CASZ1: variants seen among roughly 807,000 people sequenced by gnomAD.
The protein encoded by CASZ1 is castor zinc finger 1, also known as zinc finger protein castor homolog 1.
In CASZ1, 28 loss-of-function variants were observed where a neutral mutation model predicts 135.2. The ratio of observed to expected loss-of-function variants is 0.21; its 90% CI spans 0.15 to 0.28. CASZ1 has a LOEUF of 0.28. Ranked by LOEUF, CASZ1 falls within the 10% of genes least tolerant of loss-of-function variation. The pLI, the probability that CASZ1 is intolerant of heterozygous loss-of-function variation, is 1.00. For synonymous variants in CASZ1, 1,068 were observed against 1,073.4 expected (o/e 0.99, Z 0.10); for missense variants, 2,161 against 2,453.3 (o/e 0.88, Z 2.52).
chr1:10,679,507 C>A lies in CASZ1; in HGVS notation c.17-13936G>T, dbSNP rs941337287. On this transcript the variant is annotated intron_variant, in intron 4 of 20. Coordinates refer to ENST00000377022, the MANE Select transcript of CASZ1 (RefSeq NM_001079843.3). This position sits in a 1 kb window ranked among gnomAD's most constrained non-coding sequence, Gnocchi z 4.7. ...ATGGTGCTACCAAGCAATGTAGCAG[C>A]CCCCACATACTCTGGCATTCTCCTA... Among the ~76,000 whole-genome samples, 2 of 152,152 alleles carry A rather than the reference C, an allele frequency of 1.3e-5. No individual in the cohort carries two copies. Among genetic ancestry groups the A allele is most frequent in the Non-Finnish European group, 2.9e-5 (2 of 68,010 alleles).
rs565849626 is a variant in CASZ1, at chr1:10,735,885, T to C, written c.-77+24816A>G. ...CAGGGGCAGCCCCAGGCACATCAGGTTGAAAATGTGCTTTTTCAGCCAGCT... is the reference window on the plus strand; with the variant it reads ...CAGGGGCAGCCCCAGGCACATCAGGCTGAAAATGTGCTTTTTCAGCCAGCT... On this transcript the variant is annotated intron_variant, in intron 2 of 20. Transcript: ENST00000377022. This position sits in a 1 kb window ranked among gnomAD's most constrained non-coding sequence, Gnocchi z 5.1. Among the ~76,000 whole-genome samples, 3 of 152,096 alleles carry C rather than the reference T, an allele frequency of 2.0e-5. No homozygotes were observed. The highest frequency in any genetic ancestry group is 1.3e-4 in the Admixed American group (2 of 15,292).
chr1:10,642,250 G>C (rs376062894), intron 20 of CASZ1: 2 of 153,916 alleles, frequency 1.3e-5, no homozygotes, highest in Non-Finnish European at 2.9e-5. Context: ...TGGCGGCTGC[G>C]GGGCCGTGCG....
chr1:10,736,119 G>A (rs1044829622), intron 2 of CASZ1, among the ~76,000 whole-genome samples: 2 of 152,140 alleles, frequency 1.3e-5, no homozygotes, highest in African/African-American at 4.8e-5. Flanking sequence ...GGGCGGTACT[G>A]GCAGCATTTC....
At chr1:10,792,340 CGGCCCCG>C (rs1358953781) in intron 1 of CASZ1, among the ~76,000 whole-genome samples, 1 of 23,938 alleles carries the variant, frequency 4.2e-5, no homozygotes, top group Non-Finnish European at 7.3e-5. Context: ...CCCCCCCCCC[CGGCCCCG>C]CACACAAAGT....
At position 10,706,905 on chromosome 1, in the gene CASZ1, G is replaced by T. The variant is rs1403255688; in HGVS notation, c.-76-1361C>A. ...TGAGACAGGGGGCGGTAGAGAGGAT[G>T]GGGGGCTGTGTAAAGGGGGAATAAG... On this transcript the variant is annotated intron_variant, in intron 2 of 20. Coordinates refer to ENST00000377022, the MANE Select transcript of CASZ1 (RefSeq NM_001079843.3). The surrounding 1 kb of genome is among the most constrained non-coding windows in gnomAD (Gnocchi z 4.3). Among the ~76,000 whole-genome samples the T allele has an allele frequency of 6.6e-6, 1 of 151,872 alleles. No homozygotes were observed. The highest frequency in any genetic ancestry group is 1.5e-5 in the Non-Finnish European group (1 of 67,952).
chr1:10,648,962 C>T, intron 15 of CASZ1, 108 bp downstream of exon 15: 1 of 1,453,356 alleles, frequency 6.9e-7, no homozygotes, highest in South Asian at 1.3e-5. Context: ...GCCGGCTCAG[C>T]TTCTGTGGCC....
chr1:10,789,325 A>C, intron 1 of CASZ1, among the ~76,000 whole-genome samples: 1 of 145,866 alleles, frequency 6.9e-6, no homozygotes, highest in Non-Finnish European at 1.5e-5. Flanking sequence ...GAGCCTCCCA[A>C]ACCCTGGGCC....
At chr1:10,674,701 C>T (rs929207398) in intron 4 of CASZ1, among the ~76,000 whole-genome samples, 17 of 152,236 alleles carry the variant, frequency 1.1e-4, no homozygotes, top group African/African-American at 4.1e-4. Context: ...GGGAGCACTG[C>T]TTCCTGCCTG....
Position 10,756,430 on chromosome 1 carries a change from G to A in CASZ1, c.-77+4271C>T, listed in dbSNP as rs936926512. ...TGGCTGGGAATACGTTGCCAGCAAG[G>A]GCAAGTGCTCACGCGAGCCCGGCAG... On this transcript the variant is annotated intron_variant, in intron 2 of 20. Transcript: ENST00000377022. The surrounding 1 kb of genome is among the most constrained non-coding windows in gnomAD (Gnocchi z 5.9). 1.3e-5 allele frequency among the ~76,000 whole-genome samples: 2 copies of A among 152,256 alleles called. No homozygotes were observed. The highest frequency in any genetic ancestry group is 4.8e-5 in the African/African-American group (2 of 41,476).
intron 1 of CASZ1, among the ~76,000 whole-genome samples, chr1:10,763,923 C>A (rs928616778): frequency 2.6e-5 from 4 of 152,154 alleles, no homozygotes; most frequent in Non-Finnish European, 4.4e-5. Context: ...AGTGCAGTGG[C>A]GCAATCTCGG....
intron 1 of CASZ1, among the ~76,000 whole-genome samples, chr1:10,763,884 A>T (rs1640423310): frequency 1.3e-5 from 2 of 152,092 alleles, no homozygotes; most frequent in South Asian, 2.1e-4. Context: ...CTTTTTTGAG[A>T]TGGAGTCTTG....
At chr1:10,674,822 C>T (rs1300847782) in intron 4 of CASZ1, among the ~76,000 whole-genome samples, 1 of 152,212 alleles carries the variant, frequency 6.6e-6, no homozygotes, top group Admixed American at 6.5e-5. Context: ...CCGCTAAAGC[C>T]AACTTCTTCC....
rs1026034659 is a variant in CASZ1 at position 10,709,018 on chromosome 1, G to A, written c.-76-3474C>T. ...GAGGGAGGGAGTGCCACGAGAGATG[G>A]GACGGGGGAGAGTGACAGGCGGAGA... On this transcript the variant is annotated intron_variant, in intron 2 of 20. Coordinates refer to ENST00000377022, the MANE Select transcript of CASZ1 (RefSeq NM_001079843.3). This position sits in a 1 kb window ranked among gnomAD's most constrained non-coding sequence, Gnocchi z 5.1. Among the ~76,000 whole-genome samples, 1 of 151,470 alleles carries A rather than the reference G, an allele frequency of 6.6e-6. No homozygotes were observed. Among genetic ancestry groups the A allele is most frequent in the African/African-American group, 2.4e-5 (1 of 41,160 alleles).
At chr1:10,738,300 G>T (rs1639840069) in intron 2 of CASZ1, among the ~76,000 whole-genome samples, 1 of 152,198 alleles carries the variant, frequency 6.6e-6, no homozygotes, top group South Asian at 2.1e-4. Flanking sequence ...AGCCCAGAAT[G>T]TCTCAGTCCC....
intron 3 of CASZ1, among the ~76,000 whole-genome samples, 165 bp downstream of exon 3, chr1:10,705,327 A>G (rs1459407883): frequency 2.0e-5 from 3 of 152,028 alleles, no homozygotes; most frequent in African/African-American, 7.2e-5. Flanking sequence ...ATCTTTTCCC[A>G]TCAGGGCGGA....
intron 2 of CASZ1, among the ~76,000 whole-genome samples, chr1:10,749,404 T>C (rs915194182): frequency 6.6e-6 from 1 of 152,124 alleles, no homozygotes; most frequent in Non-Finnish European, 1.5e-5. Flanking sequence ...TGTGCCACCA[T>C]GCACAGCTAA....
intron 6 of CASZ1, 28 bp downstream of exon 6, chr1:10,659,674 G>A: frequency 6.4e-7 from 1 of 1,572,588 alleles, no homozygotes; most frequent in Non-Finnish European, 8.8e-7. Context: ...TCCTGGCTCT[G>A]GGCATTGTGG....
chr1:10,659,321 GT>G (rs199569958), intron 6 of CASZ1, among the ~76,000 whole-genome samples: 39,372 of 152,142 alleles, frequency 0.26, 6,081 homozygotes, highest in African/African-American at 0.42. Context: ...GGCAGATGGG[GT>G]GTGCTGTCAT....
At chr1:10,684,292 C>T (rs1638517472) in intron 4 of CASZ1, among the ~76,000 whole-genome samples, 1 of 152,062 alleles carries the variant, frequency 6.6e-6, no homozygotes, top group Admixed American at 6.5e-5. Flanking sequence ...GGGGTGGGAT[C>T]ACAGCTGCAA....
Sources: gnomAD v4.1 joint callset for allele counts (sites outside exome capture counted in the v4.1 genomes callset) on GRCh38, gnomAD v4.1.1 for gene constraint, Gnocchi (gnomAD v3.1) non-coding constraint, MANE v1.5 for transcripts, NCBI Gene and HGNC (gene_info 2026-07-23, HGNC 2026-07-21) for gene names.